The following MECOM variants were observed in gnomAD, a reference collection of about 807,000 sequenced individuals.
The protein encoded by MECOM is histone-lysine N-methyltransferase MECOM.
A neutral mutation model predicts 116.3 loss-of-function variants in MECOM; 13 were observed. That is an observed-to-expected ratio of 0.11 (90% confidence interval 0.07 to 0.18). The LOEUF (loss-of-function observed/expected upper bound fraction) is 0.18. Among genes scored for constraint, MECOM ranks in the 10% least tolerant of loss-of-function variants. MECOM has a pLI of 1.00. For missense variants in MECOM, 1,299 were observed against 1,509.0 expected (o/e 0.86, Z 2.31); for synonymous variants, 528 against 535.2 (o/e 0.99, Z 0.19).
chr3:169,616,999 A>T (rs1331594903), intron 1 of MECOM, among the ~76,000 whole-genome samples: 1 of 152,216 alleles, frequency 6.6e-6, no homozygotes, highest in African/African-American at 2.4e-5. Context: ...ATTCCTTGTA[A>T]GTCTTGAAAG....
intron 1 of MECOM, among the ~76,000 whole-genome samples, chr3:169,541,506 C>G (rs1233689452): frequency 1.3e-5 from 2 of 152,186 alleles, no homozygotes; most frequent in East Asian, 3.8e-4. Context: ...TGCAGAAGCC[C>G]GATGCTGGCA....
chr3:169,119,935 A>G (rs1247303500), intron 7 of MECOM, among the ~76,000 whole-genome samples: 2 of 152,192 alleles, frequency 1.3e-5, no homozygotes, highest in African/African-American at 4.8e-5. Flanking sequence ...AGGAAAGAAA[A>G]GCTATTTTGG....
intron 1 of MECOM, among the ~76,000 whole-genome samples, chr3:169,496,340 C>G (rs1753812381): frequency 1.3e-5 from 2 of 152,122 alleles, no homozygotes; most frequent in African/African-American, 4.8e-5. Flanking sequence ...AATTATTATC[C>G]CTTAGCTAAG....
chr3:169,495,376 TAA>T (rs1399624217), intron 1 of MECOM, among the ~76,000 whole-genome samples: 1 of 152,172 alleles, frequency 6.6e-6, no homozygotes, highest in African/African-American at 2.4e-5. Context: ...GATATTAATT[TAA>T]GTTTTTATTC....
chr3:169,420,107 C>T (rs138883515), intron 1 of MECOM, among the ~76,000 whole-genome samples: 2 of 152,264 alleles, frequency 1.3e-5, no homozygotes, highest in East Asian at 3.9e-4. Flanking sequence ...AGCCAGGAAA[C>T]AACAGATGCT....
chr3:169,537,793 G>A (rs548612194), intron 1 of MECOM, among the ~76,000 whole-genome samples: 1 of 151,466 alleles, frequency 6.6e-6, no homozygotes, highest in Non-Finnish European at 1.5e-5. Context: ...TAAAAACAAA[G>A]TAAAAAAATA....
chr3:169,335,501 C>A (rs1019797885), intron 2 of MECOM, among the ~76,000 whole-genome samples: 1 of 152,062 alleles, frequency 6.6e-6, no homozygotes, highest in African/African-American at 2.4e-5. Context: ...TGGGGAAGAA[C>A]TTTTACGAAA....
At chr3:169,651,238 G>T (rs1774869539) in intron 1 of MECOM, among the ~76,000 whole-genome samples, 1 of 152,146 alleles carries the variant, frequency 6.6e-6, no homozygotes, top group East Asian at 1.9e-4. Context: ...GCTGGATTTT[G>T]TCAAATGCCT....
chr3:169,588,375 G>A (rs1051924890), intron 1 of MECOM, among the ~76,000 whole-genome samples: 1 of 151,910 alleles, frequency 6.6e-6, no homozygotes, highest in Non-Finnish European at 1.5e-5. Flanking sequence ...GTTTTGTTTT[G>A]ATACTTTCAT....
chr3:169,114,436 C>T (rs905692219), intron 8 of MECOM, among the ~76,000 whole-genome samples: 6 of 152,016 alleles, frequency 3.9e-5, no homozygotes, highest in African/African-American at 1.4e-4. Context: ...AGCTCTAGTA[C>T]CTATTAAGTA....
chr3:169,146,564 G>T, intron 2 of MECOM: 1 of 1,376,196 alleles, frequency 7.3e-7, no homozygotes, highest in Admixed American at 1.9e-5. Flanking sequence ...TAGCAACGTA[G>T]ATAAGCAGCA....
At chr3:169,394,206 A>G (rs559718019) in intron 1 of MECOM, among the ~76,000 whole-genome samples, 1 of 152,324 alleles carries the variant, frequency 6.6e-6, no homozygotes, top group East Asian at 1.9e-4. Flanking sequence ...GCCACAAAAC[A>G]TTAATCATTT....
At chr3:169,637,992 G>T (rs1773020446) in intron 1 of MECOM, among the ~76,000 whole-genome samples, 1 of 152,170 alleles carries the variant, frequency 6.6e-6, no homozygotes, top group Admixed American at 6.5e-5. Flanking sequence ...TAATAAAGAA[G>T]CAATGGTAGA....
At chr3:169,641,369 T>C (rs182487504) in intron 1 of MECOM, among the ~76,000 whole-genome samples, 2 of 152,330 alleles carry the variant, frequency 1.3e-5, no homozygotes, top group African/African-American at 4.8e-5. Flanking sequence ...AGGTCAGCGC[T>C]TCTGTGACTT....
intron 1 of MECOM, among the ~76,000 whole-genome samples, chr3:169,427,963 T>C (rs987664210): frequency 3.3e-5 from 5 of 152,178 alleles, no homozygotes; most frequent in African/African-American, 1.2e-4. Flanking sequence ...TAGGCTCTAG[T>C]CCAATATGAC....
At chr3:169,530,056 G>C (rs969017634) in intron 1 of MECOM, among the ~76,000 whole-genome samples, 7 of 152,336 alleles carry the variant, frequency 4.6e-5, no homozygotes, top group African/African-American at 9.6e-5. Flanking sequence ...TGCTAACTCT[G>C]CTGGGGAAGA....
intron 2 of MECOM, among the ~76,000 whole-genome samples, chr3:169,304,342 C>T (rs1203951260): frequency 1.3e-5 from 2 of 152,168 alleles, no homozygotes; most frequent in Non-Finnish European, 2.9e-5. Flanking sequence ...GAGAATAATT[C>T]AGCCAAATCA....
At chr3:169,303,100 C>T (rs1717060649) in intron 2 of MECOM, among the ~76,000 whole-genome samples, 1 of 152,128 alleles carries the variant, frequency 6.6e-6, no homozygotes, top group Non-Finnish European at 1.5e-5. Context: ...AAAAACACCA[C>T]CAATAAATTT....
At chr3:169,520,829 A>G (rs1182969289) in intron 1 of MECOM, among the ~76,000 whole-genome samples, 2 of 152,176 alleles carry the variant, frequency 1.3e-5, no homozygotes, top group African/African-American at 4.8e-5. Context: ...TTAGTGGCTC[A>G]GATGTGTAGC....
Sources: allele counts gnomAD v4.1 joint callset (sites outside exome capture counted in the v4.1 genomes callset), GRCh38; gene constraint gnomAD v4.1.1; transcripts MANE v1.5; gene names NCBI Gene and HGNC (gene_info 2026-07-23, HGNC 2026-07-21).